The following VAT1L variants were observed in gnomAD, a reference collection of about 807,000 sequenced individuals.
VAT1L encodes the protein vesicle amine transport 1 like.
Under a neutral mutation model 44.1 loss-of-function variants are expected in VAT1L, and 34 were observed. The ratio of observed to expected loss-of-function variants is 0.77; its 90% CI spans 0.59 to 1.03. The LOEUF (loss-of-function observed/expected upper bound fraction) is 1.03, where lower values mean the gene tolerates loss of function less well. Ranked by LOEUF, VAT1L falls within the 50% of genes least tolerant of loss-of-function variation. The pLI is 0.00. For missense variants in VAT1L, 615 were observed against 538.8 expected, an observed-to-expected ratio of 1.14 and a Z score of -1.40; for synonymous variants, 253 against 202.2, an observed-to-expected ratio of 1.25 and a Z score of -2.13.
chr16:77,788,879 C>A lies in VAT1L; in HGVS notation c.197C>A (p.Pro66His). The A allele has an allele frequency of 6.4e-7, 1 of 1,554,886 alleles. No homozygotes were observed. The highest frequency in any genetic ancestry group is 2.0e-5 in the Admixed American group (1 of 50,454). Residue 66 changes from proline (P) to histidine (H), a missense_variant, in exon 1 of 9, where the codon CCT becomes CAT. Physicochemically the swap from Pro to His is moderately conservative, Grantham distance 77. Transcript: ENST00000302536. ...LRLFRKAMPE[P>H]QDGELKIRVK... ...CTCTTCAGGAAGGCCATGCCCGAGC[C>A]TCAGGACGGCGAGCTCAAGATCCGC...
chr16:77,971,039 T>G (rs1275029999), intron 7 of VAT1L, among the ~76,000 whole-genome samples: 1 of 152,058 alleles, frequency 6.6e-6, no homozygotes, highest in African/African-American at 2.4e-5. Flanking sequence ...CAAGAGATGT[T>G]GCATTTCCAC....
At chr16:77,792,714 T>C (rs1250428558) in intron 1 of VAT1L, among the ~76,000 whole-genome samples, 2 of 152,158 alleles carry the variant, frequency 1.3e-5, no homozygotes, top group East Asian at 3.9e-4. Context: ...CACCTGCCCA[T>C]AGACAGGATC....
chr16:77,860,532 G>A (rs1441343302), intron 3 of VAT1L, among the ~76,000 whole-genome samples: 1 of 152,150 alleles, frequency 6.6e-6, no homozygotes, highest in Non-Finnish European at 1.5e-5. Context: ...TTTGCCTAAG[G>A]ACAGAGGGCG....
chr16:77,953,448 T>C (rs970174102), intron 7 of VAT1L, among the ~76,000 whole-genome samples: 2 of 152,220 alleles, frequency 1.3e-5, no homozygotes, highest in African/African-American at 4.8e-5. Context: ...ATGCAAACAA[T>C]TGTTTACTTG....
At chr16:77,970,029 C>T (rs1306094787) in intron 7 of VAT1L, among the ~76,000 whole-genome samples, 1 of 91,848 alleles carries the variant, frequency 1.1e-5, no homozygotes. Context: ...GCCTGGGCAA[C>T]ATGGCAAAAC....
intron 3 of VAT1L, 31 bp downstream of exon 3, chr16:77,825,492 T>C (rs2016509276): frequency 6.4e-7 from 1 of 1,553,058 alleles, no homozygotes; most frequent in Non-Finnish European, 8.7e-7. Context: ...TTCTCTTCTT[T>C]AAGGTCATGA....
In VAT1L at chr16:77,802,381, G is replaced by T. The variant is rs1333447846; in HGVS notation, c.233+13466G>T. Among the ~76,000 whole-genome samples, 4 of 151,862 alleles carry T rather than the reference G, an allele frequency of 2.6e-5. No homozygotes were observed. The South Asian group carries it at 8.3e-4, about 31-fold the overall frequency. ...CCTGTAATCCCAGCACTTTGGGAGG[G>T]CAAGGGGGGTGGAGCACAAGGTCAG... On this transcript the variant is annotated intron_variant, in intron 1 of 8. Coordinates refer to ENST00000302536, the MANE Select transcript of VAT1L (RefSeq NM_020927.3).
At chr16:77,898,803 A>G (rs2017350877) in intron 7 of VAT1L, among the ~76,000 whole-genome samples, 1 of 152,140 alleles carries the variant, frequency 6.6e-6, no homozygotes, top group Non-Finnish European at 1.5e-5. Context: ...GCTTGTACTC[A>G]TTTCCAAAGG....
intron 7 of VAT1L, among the ~76,000 whole-genome samples, chr16:77,920,255 T>C (rs1341600762): frequency 6.6e-6 from 1 of 152,114 alleles, no homozygotes; most frequent in Non-Finnish European, 1.5e-5. Context: ...CCATTGCAAA[T>C]CTTGGCTGTG....
chr16:77,907,119 A>G (rs2017446001), intron 7 of VAT1L, among the ~76,000 whole-genome samples: 1 of 152,198 alleles, frequency 6.6e-6, no homozygotes, highest in African/African-American at 2.4e-5. Flanking sequence ...GCTGTGTAGC[A>G]TTGGCCAATT....
intron 5 of VAT1L, among the ~76,000 whole-genome samples, chr16:77,878,520 G>C (rs908716640): frequency 2.6e-5 from 4 of 151,752 alleles, no homozygotes; most frequent in African/African-American, 9.7e-5. Context: ...AGAATCTTAG[G>C]GAATCTTTCC....
chr16:77,883,598 C>T (rs1019124729), intron 6 of VAT1L, among the ~76,000 whole-genome samples: 31 of 152,268 alleles, frequency 2.0e-4, no homozygotes, highest in African/African-American at 6.7e-4. Flanking sequence ...ACCCACTAGA[C>T]GCCAGTAGCA....
At chr16:77,938,608 A>G (rs865927543) in intron 7 of VAT1L, among the ~76,000 whole-genome samples, 4 of 152,060 alleles carry the variant, frequency 2.6e-5, no homozygotes, top group Non-Finnish European at 5.9e-5. Context: ...TGCTCTGGCC[A>G]TGTAAAGACG....
At chr16:77,841,790 C>A (rs34068226) in intron 3 of VAT1L, among the ~76,000 whole-genome samples, 1 of 151,976 alleles carries the variant, frequency 6.6e-6, no homozygotes, top group Non-Finnish European at 1.5e-5. Context: ...CGAGTCTCAA[C>A]TGGTGCAAGG....
chr16:77,834,206 T>G (rs187252054), intron 3 of VAT1L, among the ~76,000 whole-genome samples: 29 of 152,272 alleles, frequency 1.9e-4, no homozygotes, highest in African/African-American at 6.7e-4. Context: ...TCTCTTTCTC[T>G]CTCTCTCTGT....
At chr16:77,903,164 T>C (rs1445136605) in intron 7 of VAT1L, among the ~76,000 whole-genome samples, 29 of 152,168 alleles carry the variant, frequency 1.9e-4, no homozygotes, top group Admixed American at 1.9e-3. Flanking sequence ...TAAATTAGAA[T>C]TCGCCAAGAA....
At chr16:77,971,629 C>A (rs567754916) in intron 7 of VAT1L, among the ~76,000 whole-genome samples, 2 of 152,280 alleles carry the variant, frequency 1.3e-5, no homozygotes, top group Non-Finnish European at 2.9e-5. Context: ...CTGTCACCCT[C>A]ACTTTTCCGA....
At chr16:77,925,721 T>C (rs1277000306) in intron 7 of VAT1L, among the ~76,000 whole-genome samples, 1 of 152,100 alleles carries the variant, frequency 6.6e-6, no homozygotes, top group Non-Finnish European at 1.5e-5. Context: ...CTACAGGAAA[T>C]TGAAAGAATA....
At position 77,788,831 on chromosome 16, in the gene VAT1L, T is replaced by G. The variant is rs770208111; in HGVS notation, c.149T>G (p.Phe50Cys). 6.3e-7 allele frequency: 1 copy of G among 1,579,500 alleles called. No homozygotes were observed. Among genetic ancestry groups the G allele is most frequent in the South Asian group, 1.2e-5 (1 of 85,898 alleles). ...ATGCGCGCGGTGGTGCTGGCTGGCT[T>G]CGGGGGGCTCAACAAGCTGCGGCTC... ...QEMRAVVLAG[F>C]GGLNKLRLFR... Residue 50 changes from phenylalanine to cysteine, a missense_variant, in exon 1 of 9, where the codon TTC becomes TGC. Transcript: ENST00000302536.
Sources: gnomAD v4.1 joint callset for allele counts (sites outside exome capture counted in the v4.1 genomes callset) on GRCh38, gnomAD v4.1.1 for gene constraint, MANE v1.5 for transcripts, NCBI Gene and HGNC (gene_info 2026-07-23, HGNC 2026-07-21) for gene names.